The following OCRL variants were observed in gnomAD, a reference collection of about 807,000 sequenced individuals.
OCRL encodes the protein inositol polyphosphate 5-phosphatase OCRL.
A neutral mutation model predicts 78.9 loss-of-function variants in OCRL; 8 were observed. The ratio of observed to expected loss-of-function variants is 0.10; its 90% CI spans 0.06 to 0.18. The LOEUF is 0.18. Among genes scored for constraint, OCRL ranks in the 10% least tolerant of loss-of-function variants. The probability of loss-of-function intolerance (pLI) is 1.00; values close to 1 mark genes in which losing one functional copy is unlikely to be tolerated. For synonymous variants in OCRL, 240 were observed against 235.4 expected, an observed-to-expected ratio of 1.02 and a Z score of -0.18; for missense variants, 454 against 696.7, an observed-to-expected ratio of 0.65 and a Z score of 3.92.
intron 15 of OCRL, among the ~76,000 whole-genome samples, chrX:129,570,234 G>A (rs1936281516): frequency 8.9e-6 from 1 of 112,128 alleles, no homozygotes; most frequent in Admixed American, 9.4e-5. Flanking sequence ...CTGTCAGAAT[G>A]TATATAGTGC....
chrX:129,557,397 G>A lies in OCRL; in HGVS notation c.311G>A (p.Cys104Tyr). ...RRFEIPDEEH[C>Y]LKFLSAVLAA... ...TTTGAAATCCCTGATGAGGAACACT[G>A]TTTGAAGTTCCTCTCAGCTGTCCTT... Residue 104 changes from cysteine (C) to tyrosine (Y), a missense_variant, in exon 5 of 24, where the codon TGT becomes TAT. Cys to Tyr is a radical substitution (Grantham distance 194, BLOSUM62 -2). This residue lies in a region of OCRL where 177 missense variants were observed against 179.6 expected (regional missense o/e 0.99). Transcript: ENST00000371113. 8.3e-7 allele frequency: 1 copy of A among 1,210,726 alleles called. No homozygotes were observed. The highest frequency in any genetic ancestry group is 1.1e-6 in the Non-Finnish European group (1 of 894,562).
At chrX:129,587,182 C>T (rs961234925) in intron 20 of OCRL, 64 bp downstream of exon 20, 17 of 688,606 alleles carry the variant, frequency 2.5e-5, no homozygotes, top group Non-Finnish European at 3.6e-5. Context: ...GAAATCACAA[C>T]ACCTCACGTC....
chrX:129,588,803 T>G, intron 21 of OCRL, 83 bp from the exon 22 acceptor site: 1 of 1,101,923 alleles, frequency 9.1e-7, no homozygotes, highest in Non-Finnish European at 1.3e-6. Context: ...ACAGTCCCTG[T>G]AGGAGCTTGA....
At chrX:129,558,779 G>T in intron 7 of OCRL, 26 bp downstream of exon 7, 4 of 1,211,680 alleles carry the variant, frequency 3.3e-6, no homozygotes, top group Non-Finnish European at 4.5e-6. Context: ...AAACATATTT[G>T]CCTTGTAGGA....
chrX:129,540,281 C>T lies in OCRL; in HGVS notation c.-159C>T. On this transcript the variant is annotated 5_prime_UTR_variant, in exon 1 of 24. Transcript: ENST00000371113. ...GCTCTCTCTTGGGTCAGATTCTCAG[C>T]TCCCAGCTCCCCGCTCCCGGCTCCC... The T allele has an allele frequency of 3.4e-6, 2 of 580,787 alleles. No individual in the cohort carries two copies. The highest frequency in any genetic ancestry group is 5.6e-6 in the Non-Finnish European group (2 of 359,245). 47.9% of individuals were successfully genotyped at this position (580,787 alleles called of 1,213,427 possible).
intron 3 of OCRL, among the ~76,000 whole-genome samples, chrX:129,547,369 C>CAA (rs1200588583): frequency 1.8e-5 from 2 of 108,640 alleles, no homozygotes; most frequent in African/African-American, 6.7e-5. Flanking sequence ...ACTAAAAATA[C>CAA]AAAAAATTAG....
intron 16 of OCRL, 106 bp from the exon 17 acceptor site, chrX:129,575,791 C>T: frequency 1.0e-6 from 1 of 956,637 alleles, no homozygotes; most frequent in Non-Finnish European, 1.5e-6. Context: ...GGCATTTGCA[C>T]ACCTGCTTAA....
Position 129,559,646 on chromosome X carries a change from GT to G in OCRL, c.722+656del, listed in dbSNP as rs938559826. 8.5e-5 allele frequency among the ~76,000 whole-genome samples: 9 copies of G among 105,805 alleles called. No individual in the cohort carries two copies. The South Asian group carries it at 1.2e-3, about 14-fold the overall frequency. 91.9% of individuals were successfully genotyped at this position (105,805 alleles called of 115,157 possible). ...CGTGTTTATATATCTGGCCTGTTAA[GT>G]TTTTTTTTTTCAGCCAATATTAGAA... On this transcript the variant is annotated intron_variant, in intron 8 of 23. Coordinates refer to ENST00000371113, the MANE Select transcript of OCRL (RefSeq NM_000276.4).
In OCRL at chrX:129,540,274, T is replaced by TTCTCAGC. The variant is rs1935765485; in HGVS notation, c.-163_-157dup. The TTCTCAGC allele has an allele frequency of 7.2e-6, 4 of 555,765 alleles. No homozygotes were observed. The East Asian group carries it at 1.1e-4, about 16-fold the overall frequency. 45.8% of individuals were successfully genotyped at this position (555,765 alleles called of 1,213,427 possible). ...AGGCGCCGCTCTCTCTTGGGTCAGA[T>TTCTCAGC]TCTCAGCTCCCAGCTCCCCGCTCCC... On this transcript the variant is annotated 5_prime_UTR_variant, in exon 1 of 24. Transcript: ENST00000371113.
chrX:129,567,186 T>C, intron 13 of OCRL, 68 bp from the exon 14 acceptor site: 2 of 748,837 alleles, frequency 2.7e-6, no homozygotes, highest in South Asian at 2.2e-5. Flanking sequence ...CAGTGGCTTA[T>C]CAACCTGATT....
At position 129,590,520 on chromosome X, in the gene OCRL, A is replaced by G; in HGVS notation, c.*250A>G. Reference sequence around the variant, plus strand: ...TTGTGTTTTCTCTTTATAAGGCAAAAAGATCTGTATTTACACTCCTTCACC... The same window carrying G: ...TTGTGTTTTCTCTTTATAAGGCAAAGAGATCTGTATTTACACTCCTTCACC... On this transcript the variant is annotated 3_prime_UTR_variant, in exon 24 of 24. Transcript: ENST00000371113. 2.7e-6 allele frequency: 1 copy of G among 369,337 alleles called. No individual in the cohort carries two copies. 30.4% of individuals were successfully genotyped at this position (369,337 alleles called of 1,213,427 possible).
At chrX:129,588,635 A>G (rs1267480047) in intron 21 of OCRL, among the ~76,000 whole-genome samples, 1 of 112,050 alleles carries the variant, frequency 8.9e-6, no homozygotes. Flanking sequence ...TCCAGTGTCA[A>G]CTGTCACTCT....
chrX:129,569,448 A>G (rs756896680), intron 15 of OCRL, 49 bp downstream of exon 15: 1 of 1,121,410 alleles, frequency 8.9e-7, no homozygotes, highest in South Asian at 1.8e-5. Context: ...AGTATCAATT[A>G]CTAGAGGATT....
intron 18 of OCRL, among the ~76,000 whole-genome samples, chrX:129,580,610 A>G (rs1201104757): frequency 8.9e-6 from 1 of 112,302 alleles, no homozygotes; most frequent in African/African-American, 3.2e-5. Flanking sequence ...AAATACGGAG[A>G]TGAAAAAAGT....
Position 129,569,740 on chromosome X carries a change from A to AGG in OCRL, c.1602+343_1602+344dup, listed in dbSNP as rs60442730. 2.3e-3 allele frequency among the ~76,000 whole-genome samples: 257 copies of AGG among 111,084 alleles called. 7 individuals are homozygous for AGG. In the East Asian group the frequency reaches 0.067, roughly 29 times the overall value. ...CACCAGGAGGGAGATTCTGGGTGGAAGGGTAGAGACAGCAGGAGCAAAGGC... is the reference window on the plus strand; with the variant it reads ...CACCAGGAGGGAGATTCTGGGTGGAAGGGGGTAGAGACAGCAGGAGCAAAGGC... On this transcript the variant is annotated intron_variant, in intron 15 of 23. Transcript: ENST00000371113.
intron 14 of OCRL, among the ~76,000 whole-genome samples, chrX:129,569,016 C>T (rs751921024): frequency 1.8e-5 from 2 of 112,480 alleles, no homozygotes; most frequent in East Asian, 2.8e-4. Flanking sequence ...GATAACTATT[C>T]GTTGAGCACC....
intron 22 of OCRL, chrX:129,589,532 G>A (rs1365126362): frequency 1.2e-5 from 4 of 339,542 alleles, no homozygotes; most frequent in Non-Finnish European, 1.6e-5. Flanking sequence ...AGGTGCCGTG[G>A]CTACATGCCT....
chrX:129,590,492 T>C lies in OCRL; in HGVS notation c.*222T>C, dbSNP rs1015996772. The C allele has an allele frequency of 2.4e-6, 1 of 422,221 alleles. No homozygotes were observed. The highest frequency in any genetic ancestry group is 2.5e-5 in the African/African-American group (1 of 39,867). The allele number at this position is 422,221 out of a possible 1,213,427, so 34.8% of individuals were successfully genotyped here. A position where few individuals can be genotyped will look rare whatever the true frequency, so the allele number is the denominator to read the frequency against. On this transcript the variant is annotated 3_prime_UTR_variant, in exon 24 of 24. Coordinates refer to ENST00000371113, the MANE Select transcript of OCRL (RefSeq NM_000276.4). The stretch of plus-strand genomic sequence containing the variant: ...AAGCCAAAGTTACCATATTTTGGTG[T>C]TTTTGTGTTTTCTCTTTATAAGGCA...
chrX:129,540,333 T>C lies in OCRL; in HGVS notation c.-107T>C, dbSNP rs1935769309. The C allele has an allele frequency of 2.2e-6, 2 of 896,389 alleles. No individual in the cohort carries two copies. The highest frequency in any genetic ancestry group is 3.1e-6 in the Non-Finnish European group (2 of 641,321). 73.9% of individuals were successfully genotyped at this position (896,389 alleles called of 1,213,427 possible). A position where few individuals can be genotyped will look rare whatever the true frequency, so the allele number is the denominator to read the frequency against. ...GCGCCCGGCGCCCGGCGCGGAGCTG[T>C]TCCTCAAACGACACGCAGCCGAGGT... On this transcript the variant is annotated 5_prime_UTR_variant, in exon 1 of 24. Coordinates refer to ENST00000371113, the MANE Select transcript of OCRL (RefSeq NM_000276.4).
Sources: gnomAD v4.1 joint callset for allele counts (sites outside exome capture counted in the v4.1 genomes callset) on GRCh38, gnomAD v4.1.1 for gene constraint, gnomAD v4.1.1 regional missense constraint, MANE v1.5 for transcripts, NCBI Gene and HGNC (gene_info 2026-07-23, HGNC 2026-07-21) for gene names.